BACH2: variants seen among roughly 807,000 people sequenced by gnomAD.
BACH2 encodes BACH transcriptional regulator 2.
Under a neutral mutation model 61.8 loss-of-function variants are expected in BACH2, and 5 were observed. The ratio of observed to expected loss-of-function variants is 0.08; its 90% confidence interval spans 0.04 to 0.17. BACH2 has a LOEUF of 0.17. BACH2 is among the 10% of genes least tolerant of loss of function. BACH2 has a pLI of 1.00. For missense variants in BACH2, 824 were observed against 1,091.1 expected (o/e 0.76, Z 3.45); for synonymous variants, 446 against 440.1 (o/e 1.01, Z -0.17).
At chr6:90,041,136 T>C (rs1335183765) in intron 5 of BACH2, among the ~76,000 whole-genome samples, 1 of 152,206 alleles carries the variant, frequency 6.6e-6, no homozygotes, top group African/African-American at 2.4e-5. Context: ...GCCCTTGTCT[T>C]CATTGTTTCT....
At chr6:90,024,902 C>T (rs532770758) in intron 5 of BACH2, among the ~76,000 whole-genome samples, 1 of 152,254 alleles carries the variant, frequency 6.6e-6, no homozygotes, top group African/African-American at 2.4e-5. Flanking sequence ...ATGGCCAAAA[C>T]AGTGCTCTGG....
chr6:89,948,411 T>C (rs1333790304), intron 7 of BACH2, among the ~76,000 whole-genome samples: 1 of 152,084 alleles, frequency 6.6e-6, no homozygotes, highest in East Asian at 1.9e-4. Flanking sequence ...TTTCACCATG[T>C]TGCCCAGGCT....
At chr6:90,108,971 C>T (rs1045279806) in intron 4 of BACH2, among the ~76,000 whole-genome samples, 7 of 152,196 alleles carry the variant, frequency 4.6e-5, no homozygotes, top group Non-Finnish European at 1.0e-4. Flanking sequence ...TTTACCTTCA[C>T]TGTCCCTGGG....
intron 4 of BACH2, among the ~76,000 whole-genome samples, chr6:90,131,663 C>A (rs115838314): frequency 1.3e-5 from 2 of 152,118 alleles, no homozygotes; most frequent in Non-Finnish European, 2.9e-5. Context: ...CATTTTTGGG[C>A]GGGCTGAACT....
In BACH2 at chr6:89,932,332, G is replaced by T. The variant is rs903936235; in HGVS notation, c.*76C>A. 71 of 1,545,616 alleles carry T rather than the reference G, an allele frequency of 4.6e-5. No individual in the cohort carries two copies. The highest frequency in any genetic ancestry group is 5.5e-5 in the Non-Finnish European group (63 of 1,138,306). On this transcript the variant is annotated 3_prime_UTR_variant, in exon 9 of 9. Transcript: ENST00000257749. ...TGTTCTCGGTTTCTTCGGGACAGCAGATGAACAGTGCCACAGGCTGACTGA... is the reference window on the plus strand; with the variant it reads ...TGTTCTCGGTTTCTTCGGGACAGCATATGAACAGTGCCACAGGCTGACTGA...
intron 4 of BACH2, among the ~76,000 whole-genome samples, chr6:90,139,266 T>C (rs1434050104): frequency 2.0e-5 from 3 of 152,242 alleles, no homozygotes; most frequent in African/African-American, 7.2e-5. Context: ...TCCTCTGCCA[T>C]GTTCCTCATG....
chr6:89,932,276 C>A lies in BACH2; in HGVS notation c.*132G>T. ...GAGAGGATACTTCGGAACAGTATTG[C>A]TGCTAAGACCGCTGTAGTGTGCACC... On this transcript the variant is annotated 3_prime_UTR_variant, in exon 9 of 9. Transcript: ENST00000257749. 8.3e-7 allele frequency: 1 copy of A among 1,206,784 alleles called. No individual in the cohort carries two copies. Among genetic ancestry groups the A allele is most frequent in the Non-Finnish European group, 1.2e-6 (1 of 858,928 alleles). The allele number at this position is 1,206,784 out of a possible 1,614,324, so 74.8% of individuals were successfully genotyped here.
At chr6:89,942,347 T>C (rs1305516015) in intron 7 of BACH2, among the ~76,000 whole-genome samples, 1 of 152,168 alleles carries the variant, frequency 6.6e-6, no homozygotes, top group East Asian at 1.9e-4. Context: ...CTCAAAACAT[T>C]CCTCAAATGG....
intron 3 of BACH2, among the ~76,000 whole-genome samples, chr6:90,246,297 G>C (rs528030772): frequency 6.6e-6 from 1 of 152,230 alleles, no homozygotes; most frequent in Non-Finnish European, 1.5e-5. Context: ...GTAAAATGGA[G>C]ACATCAACTT....
At chr6:90,112,263 T>C (rs964194843) in intron 4 of BACH2, among the ~76,000 whole-genome samples, 5 of 152,224 alleles carry the variant, frequency 3.3e-5, no homozygotes, top group African/African-American at 1.2e-4. Context: ...TCCTGCAAGA[T>C]TGTACACAAA....
intron 4 of BACH2, among the ~76,000 whole-genome samples, chr6:90,108,747 C>T (rs1783034772): frequency 6.6e-6 from 1 of 152,158 alleles, no homozygotes; most frequent in African/African-American, 2.4e-5. Flanking sequence ...AACCAACAAC[C>T]CAAATACAGA....
chr6:90,284,906 A>G (rs1042724725), intron 1 of BACH2, among the ~76,000 whole-genome samples: 7 of 152,180 alleles, frequency 4.6e-5, no homozygotes, highest in African/African-American at 1.4e-4. Flanking sequence ...ATCATGTTAC[A>G]CACAGTCACT....
At chr6:90,295,661 G>GTA (rs1772328058) in intron 1 of BACH2, among the ~76,000 whole-genome samples, 1 of 151,346 alleles carries the variant, frequency 6.6e-6, no homozygotes, top group African/African-American at 2.4e-5. Context: ...TAGGGTGTGT[G>GTA]TGTGTGTGTG....
chr6:90,053,225 A>G (rs1780143331), intron 5 of BACH2, among the ~76,000 whole-genome samples: 1 of 152,052 alleles, frequency 6.6e-6, no homozygotes, highest in Non-Finnish European at 1.5e-5. Context: ...TTTGCTTACA[A>G]TTTCTATTTT....
chr6:89,982,967 A>G (rs1461460287), intron 6 of BACH2, among the ~76,000 whole-genome samples: 1 of 152,218 alleles, frequency 6.6e-6, no homozygotes, highest in Non-Finnish European at 1.5e-5. Flanking sequence ...AAGCATAGGC[A>G]TTGGAAGACC....
intron 4 of BACH2, among the ~76,000 whole-genome samples, chr6:90,163,831 A>G (rs1767496223): frequency 6.6e-6 from 1 of 152,174 alleles, no homozygotes; most frequent in Admixed American, 6.5e-5. Context: ...GACACATAAT[A>G]TACTTTTTCC....
intron 4 of BACH2, among the ~76,000 whole-genome samples, chr6:90,099,687 T>C (rs544785635): frequency 5.3e-5 from 8 of 152,326 alleles, no homozygotes; most frequent in African/African-American, 1.9e-4. Context: ...ATACATTCTA[T>C]ATTTTAGAAG....
At chr6:90,287,027 A>T (rs2127889937) in intron 1 of BACH2, among the ~76,000 whole-genome samples, 1 of 152,284 alleles carries the variant, frequency 6.6e-6, no homozygotes, top group Admixed American at 6.5e-5. Flanking sequence ...TCTTCATCAT[A>T]CCCAGCTCTG....
intron 2 of BACH2, among the ~76,000 whole-genome samples, chr6:90,263,788 A>G (rs1771239569): frequency 6.6e-6 from 1 of 152,166 alleles, no homozygotes; most frequent in African/African-American, 2.4e-5. Context: ...GTTTACACTA[A>G]CTGCCCATTA....
Sources: gnomAD v4.1 joint callset for allele counts (sites outside exome capture counted in the v4.1 genomes callset) on GRCh38, gnomAD v4.1.1 for gene constraint, MANE v1.5 for transcripts, NCBI Gene and HGNC (gene_info 2026-07-23, HGNC 2026-07-21) for gene names.